NPAS2: variants seen among roughly 807,000 people sequenced by gnomAD.
NPAS2 encodes neuronal PAS domain-containing protein 2.
NPAS2 carries 23 observed loss-of-function variants against 107.5 expected under a neutral mutation model. The observed-to-expected ratio is 0.21, with a 90% CI of 0.15 to 0.30. The LOEUF is 0.30. Among genes scored for constraint, NPAS2 ranks in the 10% least tolerant of loss-of-function variants. The pLI is 1.00. For synonymous variants in NPAS2, 403 were observed against 417.5 expected (o/e 0.97, Z 0.42); for missense variants, 756 against 1,043.3 (o/e 0.72, Z 3.79).
intron 5 of NPAS2, among the ~76,000 whole-genome samples, chr2:100,947,298 C>A (rs969864146): frequency 5.9e-5 from 9 of 152,100 alleles, no homozygotes; most frequent in Admixed American, 6.5e-5. Flanking sequence ...TGCCTGTAAT[C>A]CCAGCACTTT....
At chr2:100,863,560 G>A (rs1220939059) in intron 1 of NPAS2, among the ~76,000 whole-genome samples, 1 of 152,144 alleles carries the variant, frequency 6.6e-6, no homozygotes, top group East Asian at 1.9e-4. Flanking sequence ...GCGTCTCATG[G>A]GGAATTATAT....
rs774660205 is a variant in NPAS2 at position 100,949,364 on chromosome 2, C to T, written c.485-3C>T. On this transcript the variant is annotated splice_polypyrimidine_tract_variant and splice_region_variant and intron_variant, in intron 6 of 20. Coordinates refer to ENST00000335681, the MANE Select transcript of NPAS2 (RefSeq NM_002518.4). ...CTCTCCTCTTCTTCCTTTAACGGCC[C>T]AGCTGACAGCGATTTAGAGTTTTAT... 1 of 1,591,162 alleles carries T rather than the reference C, an allele frequency of 6.3e-7. No homozygotes were observed. Among genetic ancestry groups the T allele is most frequent in the Non-Finnish European group, 8.6e-7 (1 of 1,159,048 alleles).
In NPAS2 at chr2:100,935,067, TTGAAAAAACAAAATTGACCTGGC is replaced by T. The variant is rs553880461; in HGVS notation, c.273+2092_273+2114del. ...AGGAGGACTCACATAGCTGTGAAGT[TTGAAAAAACAAAATTGACCTGGC>T]TGAAAAAACAAAATTGACCTGGCTG... On this transcript the variant is annotated intron_variant, in intron 4 of 20. Transcript: ENST00000335681. The T allele has an allele frequency of 1.4e-3, 1,392 of 985,270 alleles. 12 individuals are homozygous for T. The African/African-American group carries it at 0.017, about 12-fold the overall frequency. The allele number at this position is 985,270 out of a possible 1,614,324, so 61.0% of individuals were successfully genotyped here.
intron 1 of NPAS2, among the ~76,000 whole-genome samples, chr2:100,848,210 G>T (rs1043396336): frequency 3.3e-5 from 5 of 152,086 alleles, no homozygotes; most frequent in African/African-American, 1.2e-4. Context: ...TTTCGATTTT[G>T]CAAAGACCCT....
chr2:100,957,114 G>A (rs1675616718), intron 7 of NPAS2, among the ~76,000 whole-genome samples: 1 of 152,336 alleles, frequency 6.6e-6, no homozygotes, highest in Middle Eastern at 3.4e-3. Flanking sequence ...ATGTTCTGGG[G>A]GCAGGGGAGG....
Position 100,820,555 on chromosome 2 carries a change from CG to C in NPAS2, c.-23+145del. 1 of 152,572 alleles carries C rather than the reference CG, an allele frequency of 6.6e-6. No individual in the cohort carries two copies. 9.5% of individuals were successfully genotyped at this position (152,572 alleles called of 1,614,324 possible). A position where few individuals can be genotyped will look rare whatever the true frequency, so the allele number is the denominator to read the frequency against. Reference sequence around the variant, plus strand: ...GCTCAGGCGCGAGGCTGCGCGGCACCGGGGACCCCGGACGCGGGGGCGCGGA... The same window carrying C: ...GCTCAGGCGCGAGGCTGCGCGGCACCGGGACCCCGGACGCGGGGGCGCGGA... On this transcript the variant is annotated intron_variant, in intron 1 of 20. Transcript: ENST00000335681. This position sits in a 1 kb window ranked among gnomAD's most constrained non-coding sequence, Gnocchi z 5.6.
chr2:100,893,363 T>G (rs1681205039), intron 1 of NPAS2, among the ~76,000 whole-genome samples: 1 of 152,218 alleles, frequency 6.6e-6, no homozygotes, highest in African/African-American at 2.4e-5. Flanking sequence ...GTTTTGCCTT[T>G]TATGATTCCA....
chr2:100,917,752 C>T (rs1028755020), intron 2 of NPAS2, among the ~76,000 whole-genome samples: 10 of 152,118 alleles, frequency 6.6e-5, no homozygotes, highest in African/African-American at 2.4e-4. Context: ...ACCAAACTCA[C>T]AAAAGATGAA....
At chr2:100,987,903 C>T (rs191228657) in intron 16 of NPAS2, 176 bp from the exon 17 acceptor site, 1 of 704,004 alleles carries the variant, frequency 1.4e-6, no homozygotes, top group South Asian at 1.8e-5. Flanking sequence ...GTGGCCAGTG[C>T]CTGACACTGA....
chr2:100,820,967 A>G lies in NPAS2; in HGVS notation c.-23+553A>G. ...ACCCCCGTGTGCGCAGACAGCGTGCAGCCTGGCTCCTCACGTCGCTGCCGC... is the reference window on the plus strand; with the variant it reads ...ACCCCCGTGTGCGCAGACAGCGTGCGGCCTGGCTCCTCACGTCGCTGCCGC... On this transcript the variant is annotated intron_variant, in intron 1 of 20. Transcript: ENST00000335681. The surrounding 1 kb of genome is among the most constrained non-coding windows in gnomAD (Gnocchi z 5.6). The G allele has an allele frequency of 1.8e-6, 2 of 1,094,168 alleles. No individual in the cohort carries two copies. The highest frequency in any genetic ancestry group is 2.5e-4 in the Middle Eastern group (1 of 3,962). The allele number at this position is 1,094,168 out of a possible 1,614,324, so 67.8% of individuals were successfully genotyped here.
At chr2:100,859,136 C>T (rs998048869) in intron 1 of NPAS2, among the ~76,000 whole-genome samples, 3 of 152,168 alleles carry the variant, frequency 2.0e-5, no homozygotes, top group Admixed American at 6.5e-5. Context: ...TGGTAACATG[C>T]GCCTGTGATC....
chr2:100,835,059 A>G (rs6542994), intron 1 of NPAS2, among the ~76,000 whole-genome samples: 51,549 of 151,942 alleles, frequency 0.34, 11,633 homozygotes, highest in African/African-American at 0.62. Context: ...TAAAAATATC[A>G]TCAGGTCCAA....
intron 1 of NPAS2, among the ~76,000 whole-genome samples, chr2:100,873,504 T>C (rs1340876723): frequency 6.6e-6 from 1 of 151,548 alleles, no homozygotes; most frequent in African/African-American, 2.4e-5. Context: ...ATCCCTTTTT[T>C]TAACCTATCT....
chr2:100,861,289 C>T lies in NPAS2; in HGVS notation c.-23+40875C>T, dbSNP rs546944005. Among the ~76,000 whole-genome samples, 37 of 152,250 alleles carry T rather than the reference C, an allele frequency of 2.4e-4. 1 individual carries two copies. The South Asian group carries it at 7.5e-3, about 31-fold the overall frequency. ...CCTTGAGGAGCACATTGAAGAGAAG[C>T]AGGAGACAAACCGGGGAGAACACTT... is the stretch of plus-strand genomic sequence containing the variant. On this transcript the variant is annotated intron_variant, in intron 1 of 20. Coordinates refer to ENST00000335681, the MANE Select transcript of NPAS2 (RefSeq NM_002518.4).
intron 1 of NPAS2, among the ~76,000 whole-genome samples, chr2:100,834,726 CTG>C (rs1345772026): frequency 6.6e-6 from 1 of 151,922 alleles, no homozygotes; most frequent in Non-Finnish European, 1.5e-5. Flanking sequence ...GAGTCTCACT[CTG>C]TTGCCCAGGC....
intron 16 of NPAS2, chr2:100,982,734 C>A: frequency 4.4e-6 from 1 of 226,824 alleles, no homozygotes. Flanking sequence ...CTTTGCTTTC[C>A]TAGCTCCCAG....
At chr2:100,870,906 C>T (rs913765390) in intron 1 of NPAS2, among the ~76,000 whole-genome samples, 3 of 152,222 alleles carry the variant, frequency 2.0e-5, no homozygotes, top group African/African-American at 7.2e-5. Flanking sequence ...CTGAATTCAG[C>T]TGTGTGCCCT....
chr2:100,987,749 G>T (rs558584892), intron 16 of NPAS2: 2 of 305,336 alleles, frequency 6.6e-6, no homozygotes, highest in South Asian at 1.0e-4. Flanking sequence ...GGAAGAAGCT[G>T]GTAAGCCAAC....
chr2:100,934,932 G>A, intron 4 of NPAS2: 3 of 985,402 alleles, frequency 3.0e-6, no homozygotes, highest in Non-Finnish European at 3.6e-6. Flanking sequence ...CTAAAATGAG[G>A]ACAGAGCCCA....
Sources: allele counts gnomAD v4.1 joint callset (sites outside exome capture counted in the v4.1 genomes callset), GRCh38; gene constraint gnomAD v4.1.1; non-coding constraint Gnocchi (gnomAD v3.1); transcripts MANE v1.5; gene names NCBI Gene and HGNC (gene_info 2026-07-23, HGNC 2026-07-21).